Variants in FLVCR2 observed in about 807,000 individuals in gnomAD.
FLVCR2 encodes FLVCR choline and putative heme transporter 2.
FLVCR2 carries 38 observed loss-of-function variants against 48.9 expected under a neutral mutation model. That is an observed-to-expected ratio of 0.78 (90% CI 0.60 to 1.02). The LOEUF is 1.02. Ranked by LOEUF, FLVCR2 falls within the 50% of genes least tolerant of loss-of-function variation. The probability of loss-of-function intolerance (pLI) is 0.00; values close to 1 mark genes in which losing one functional copy is unlikely to be tolerated. For missense variants in FLVCR2, 664 were observed against 663.3 expected, an observed-to-expected ratio of 1.00 and a Z score of -0.01; for synonymous variants, 255 against 257.0, an observed-to-expected ratio of 0.99 and a Z score of 0.07.
At chr14:75,635,034 G>A in intron 5 of FLVCR2, 21 bp downstream of exon 5, 1 of 1,487,842 alleles carries the variant, frequency 6.7e-7, no homozygotes, top group Non-Finnish European at 9.4e-7. Context: ...CATCCTCTTG[G>A]ACTGAGAATT....
intron 1 of FLVCR2, among the ~76,000 whole-genome samples, chr14:75,607,303 C>A (rs1404897711): frequency 6.6e-6 from 1 of 152,216 alleles, no homozygotes; most frequent in Non-Finnish European, 1.5e-5. Context: ...CCCTCTCTAC[C>A]AAACTCATGT....
At chr14:75,586,896 C>T (rs1346620214) in intron 1 of FLVCR2, among the ~76,000 whole-genome samples, 1 of 151,970 alleles carries the variant, frequency 6.6e-6, no homozygotes, top group Non-Finnish European at 1.5e-5. Context: ...AAAAATTGTG[C>T]CAGGAGCCAA....
At chr14:75,641,707 C>T in intron 8 of FLVCR2, 136 bp from the exon 9 acceptor site, 1 of 816,258 alleles carries the variant, frequency 1.2e-6, no homozygotes, top group Non-Finnish European at 2.1e-6. Context: ...TGATGGTGCC[C>T]TCAGTCACCA....
intron 1 of FLVCR2, among the ~76,000 whole-genome samples, chr14:75,583,876 G>A (rs752101226): frequency 1.3e-5 from 2 of 152,192 alleles, no homozygotes; most frequent in Non-Finnish European, 2.9e-5. Flanking sequence ...CACTGTAAGA[G>A]TTACCTGAAG....
intron 1 of FLVCR2, among the ~76,000 whole-genome samples, chr14:75,587,988 G>A (rs1405745438): frequency 6.6e-6 from 1 of 152,180 alleles, no homozygotes; most frequent in East Asian, 1.9e-4. Context: ...AGAAACCACA[G>A]CTGTCTGTCT....
intron 1 of FLVCR2, among the ~76,000 whole-genome samples, chr14:75,618,167 G>T (rs914779124): frequency 1.3e-4 from 20 of 152,154 alleles, no homozygotes; most frequent in African/African-American, 4.8e-4. Context: ...AAGATGGCTG[G>T]CTATCATGGA....
At chr14:75,581,332 CTTGT>C (rs1319612386) in intron 1 of FLVCR2, among the ~76,000 whole-genome samples, 4 of 152,126 alleles carry the variant, frequency 2.6e-5, no homozygotes, top group East Asian at 1.9e-4. Flanking sequence ...AGCATAATTA[CTTGT>C]TTGTTTGGTG....
chr14:75,620,081 C>T (rs2140035816), intron 1 of FLVCR2, among the ~76,000 whole-genome samples: 1 of 152,288 alleles, frequency 6.6e-6, no homozygotes. Context: ...ACTTAACTTC[C>T]AGACCTCCAA....
chr14:75,578,624 G>T lies in FLVCR2; in HGVS notation c.-349G>T. 5.3e-6 allele frequency: 2 copies of T among 378,480 alleles called. No homozygotes were observed. Among genetic ancestry groups the T allele is most frequent in the Non-Finnish European group, 1.0e-5 (2 of 200,226 alleles). The allele number at this position is 378,480 out of a possible 1,614,324, so 23.4% of individuals were successfully genotyped here. On this transcript the variant is annotated 5_prime_UTR_variant, in exon 1 of 10. Transcript: ENST00000238667. ...GAGGCCCCAAGCTGGCCCGGGAGAG[G>T]ACTCTGCGGGCGAAGTGGCTGCGCA... is the stretch of plus-strand genomic sequence containing the variant.
chr14:75,589,615 C>T (rs1888834773), intron 1 of FLVCR2, among the ~76,000 whole-genome samples: 1 of 152,218 alleles, frequency 6.6e-6, no homozygotes, highest in Non-Finnish European at 1.5e-5. Flanking sequence ...CATGGCTCCA[C>T]TAGGCATTAC....
At chr14:75,611,881 C>T (rs1484196080) in intron 1 of FLVCR2, among the ~76,000 whole-genome samples, 1 of 152,182 alleles carries the variant, frequency 6.6e-6, no homozygotes, top group Non-Finnish European at 1.5e-5. Flanking sequence ...ACATAGCAGA[C>T]ACTCAGTACA....
chr14:75,595,040 T>C (rs8022535), intron 1 of FLVCR2, among the ~76,000 whole-genome samples: 65,740 of 152,022 alleles, frequency 0.43, 19,878 homozygotes, highest in African/African-American at 0.84. Context: ...CTTAAAGACC[T>C]TAGCTCTCAA....
At chr14:75,584,348 C>T (rs530600649) in intron 1 of FLVCR2, among the ~76,000 whole-genome samples, 4 of 152,282 alleles carry the variant, frequency 2.6e-5, no homozygotes, top group South Asian at 2.1e-4. Context: ...GTTTGAGGGC[C>T]GGATTCCAAT....
chr14:75,593,719 G>T (rs1334019577), intron 1 of FLVCR2, among the ~76,000 whole-genome samples: 1 of 152,196 alleles, frequency 6.6e-6, no homozygotes, highest in Non-Finnish European at 1.5e-5. Flanking sequence ...TGTCCTCAAG[G>T]CCCCAGCCTG....
At chr14:75,597,878 A>G (rs1284297267) in intron 1 of FLVCR2, among the ~76,000 whole-genome samples, 1 of 151,856 alleles carries the variant, frequency 6.6e-6, no homozygotes, top group Admixed American at 6.6e-5. Context: ...CCAGCATTAT[A>G]TGTTTTCAAC....
chr14:75,580,149 C>A (rs995605622), intron 1 of FLVCR2, among the ~76,000 whole-genome samples: 7 of 152,326 alleles, frequency 4.6e-5, no homozygotes, highest in African/African-American at 1.4e-4. Context: ...ACAGTGGGAG[C>A]AGTGCTTTGT....
Position 75,588,718 on chromosome 14 carries a change from A to G in FLVCR2, c.669+9077A>G, listed in dbSNP as rs1481034799. ...GGTCTTGAACTCCTGACCTCAAGTGATCCCCCTGCCTCGGCCTCCCAAAGT... is the reference window on the plus strand; with the variant it reads ...GGTCTTGAACTCCTGACCTCAAGTGGTCCCCCTGCCTCGGCCTCCCAAAGT... On this transcript the variant is annotated intron_variant, in intron 1 of 9. Transcript: ENST00000238667. Among the ~76,000 whole-genome samples the G allele has an allele frequency of 3.3e-5, 5 of 152,248 alleles. No individual in the cohort carries two copies. The Middle Eastern group carries it at 0.014, about 414-fold the overall frequency.
chr14:75,604,039 G>C (rs770199892), intron 1 of FLVCR2: 3 of 152,244 alleles, frequency 2.0e-5, no homozygotes, highest in African/African-American at 4.8e-5. Context: ...AGTTCAGGTG[G>C]TTGGAGGAGA....
At chr14:75,594,548 G>A (rs762278713) in intron 1 of FLVCR2, among the ~76,000 whole-genome samples, 1 of 152,214 alleles carries the variant, frequency 6.6e-6, no homozygotes, top group Non-Finnish European at 1.5e-5. Flanking sequence ...TGGTTCTGGA[G>A]GCTGGGAAAC....
Sources: gnomAD v4.1 joint callset for allele counts (sites outside exome capture counted in the v4.1 genomes callset) on GRCh38, gnomAD v4.1.1 for gene constraint, MANE v1.5 for transcripts, NCBI Gene and HGNC (gene_info 2026-07-23, HGNC 2026-07-21) for gene names.